The following ADAMTS6 variants were observed in gnomAD, a reference collection of about 807,000 sequenced individuals.
The protein encoded by ADAMTS6 is ADAM metallopeptidase with thrombospondin type 1 motif 6.
A neutral mutation model predicts 144.3 loss-of-function variants in ADAMTS6; 23 were observed. The observed-to-expected ratio is 0.16, with a 90% CI of 0.11 to 0.23. The LOEUF (loss-of-function observed/expected upper bound fraction) is 0.23. ADAMTS6 is among the 10% of genes least tolerant of loss of function. The pLI is 1.00. For missense variants in ADAMTS6, 999 were observed against 1,379.6 expected, an observed-to-expected ratio of 0.72 and a Z score of 4.37; for synonymous variants, 444 against 457.5, an observed-to-expected ratio of 0.97 and a Z score of 0.38.
chr5:65,397,439 G>A (rs1753440451), intron 7 of ADAMTS6, among the ~76,000 whole-genome samples: 1 of 151,834 alleles, frequency 6.6e-6, no homozygotes, highest in Non-Finnish European at 1.5e-5. Flanking sequence ...TCTAATATAT[G>A]CAACCAATGT....
chr5:65,302,103 AAAAAATATATAT>A (rs1409818767), intron 9 of ADAMTS6, among the ~76,000 whole-genome samples: 1 of 118,622 alleles, frequency 8.4e-6, no homozygotes, highest in Non-Finnish European at 1.6e-5. Context: ...AAAAAAAAAA[AAAAAATATATAT>A]ATATATATAT....
At chr5:65,172,706 C>A in intron 23 of ADAMTS6, 126 bp downstream of exon 23, 1 of 1,134,840 alleles carries the variant, frequency 8.8e-7, no homozygotes, top group East Asian at 2.5e-5. Flanking sequence ...ACTCATGCCT[C>A]ATACTTAGAC....
chr5:65,343,924 T>G, intron 7 of ADAMTS6, among the ~76,000 whole-genome samples: 1 of 152,010 alleles, frequency 6.6e-6, no homozygotes, highest in East Asian at 1.9e-4. Context: ...AAAAAGACAT[T>G]CGAATGGCCA....
intron 7 of ADAMTS6, among the ~76,000 whole-genome samples, chr5:65,442,095 GA>G (rs571460284): frequency 4.6e-4 from 48 of 105,078 alleles, no homozygotes; most frequent in South Asian, 1.0e-3. Context: ...ACAGAAAAAT[GA>G]AAAAAAAAAA....
chr5:65,478,167 A>G (rs1760968024), intron 1 of ADAMTS6, among the ~76,000 whole-genome samples: 1 of 152,062 alleles, frequency 6.6e-6, no homozygotes, highest in Admixed American at 6.5e-5. Context: ...TTTAACTAAA[A>G]TCAACACAAC....
intron 24 of ADAMTS6, among the ~76,000 whole-genome samples, chr5:65,163,919 T>C (rs1338351113): frequency 6.6e-6 from 1 of 152,218 alleles, no homozygotes; most frequent in Non-Finnish European, 1.5e-5. Flanking sequence ...GAAATTACTT[T>C]CATTTAAATA....
chr5:65,299,574 T>TTTG (rs375663991), intron 10 of ADAMTS6, among the ~76,000 whole-genome samples: 3 of 152,146 alleles, frequency 2.0e-5, no homozygotes, highest in Non-Finnish European at 4.4e-5. Context: ...TTGGTTTTTT[T>TTTG]TTGTTGTTGT....
At chr5:65,432,420 G>T (rs1757065855) in intron 7 of ADAMTS6, among the ~76,000 whole-genome samples, 1 of 152,002 alleles carries the variant, frequency 6.6e-6, no homozygotes, top group South Asian at 2.1e-4. Flanking sequence ...AAAGTGAAAT[G>T]TTAATTCAAA....
chr5:65,158,103 T>C (rs1000264980), intron 24 of ADAMTS6, among the ~76,000 whole-genome samples: 1 of 152,186 alleles, frequency 6.6e-6, no homozygotes, highest in Non-Finnish European at 1.5e-5. Context: ...GCCAGGAATG[T>C]GAACCTGCAT....
intron 7 of ADAMTS6, among the ~76,000 whole-genome samples, chr5:65,418,110 G>A (rs1755693497): frequency 6.6e-6 from 1 of 152,076 alleles, no homozygotes; most frequent in Admixed American, 6.6e-5. Flanking sequence ...ATGAAAATAA[G>A]CAATGGGAAA....
intron 9 of ADAMTS6, among the ~76,000 whole-genome samples, chr5:65,303,994 T>A (rs186352715): frequency 6.6e-6 from 1 of 152,220 alleles, no homozygotes; most frequent in African/African-American, 2.4e-5. Flanking sequence ...AAAAATCAGA[T>A]GTATGTAAGC....
chr5:65,318,700 T>G lies in ADAMTS6; in HGVS notation c.1223+10678A>C, dbSNP rs781530297. On this transcript the variant is annotated intron_variant, in intron 9 of 24. Transcript: ENST00000381055. Reference sequence around the variant, plus strand: ...ATCAAAACAATTGAACTTATGGACATAGAGAGTAGAAGGATGGTTGCCAGA... The same window carrying G: ...ATCAAAACAATTGAACTTATGGACAGAGAGAGTAGAAGGATGGTTGCCAGA... 4.6e-5 allele frequency among the ~76,000 whole-genome samples: 7 copies of G among 151,422 alleles called. No individual in the cohort carries two copies. The Middle Eastern group carries it at 0.01, about 221-fold the overall frequency.
At chr5:65,419,099 C>T (rs942924494) in intron 7 of ADAMTS6, among the ~76,000 whole-genome samples, 10 of 152,156 alleles carry the variant, frequency 6.6e-5, no homozygotes, top group Admixed American at 5.9e-4. Context: ...CACGTAATCT[C>T]CTGTTCATCA....
At chr5:65,452,289 G>T (rs1034665240) in intron 5 of ADAMTS6, 73 bp from the exon 6 acceptor site, 5 of 1,305,698 alleles carry the variant, frequency 3.8e-6, no homozygotes, top group South Asian at 1.2e-5. Context: ...TTTTTTAAGT[G>T]CTAAAACAAT....
At position 65,170,050 on chromosome 5, in the gene ADAMTS6, A is replaced by G. The variant is rs184128041; in HGVS notation, c.3244+567T>C. On this transcript the variant is annotated intron_variant, in intron 24 of 24. Coordinates refer to ENST00000381055, the MANE Select transcript of ADAMTS6 (RefSeq NM_197941.4). The stretch of plus-strand genomic sequence containing the variant: ...TTAAAGTATAATTAAAAACAAAAAC[A>G]AAAACAAAAACAAAACAGAAAGAGA... Among the ~76,000 whole-genome samples, 4 of 152,334 alleles carry G rather than the reference A, an allele frequency of 2.6e-5. No homozygotes were observed. In the East Asian group the frequency reaches 7.7e-4, roughly 29 times the overall value.
intron 4 of ADAMTS6, among the ~76,000 whole-genome samples, chr5:65,456,559 C>T (rs1759222119): frequency 6.6e-6 from 1 of 152,126 alleles, no homozygotes; most frequent in African/African-American, 2.4e-5. Flanking sequence ...ATTTAGTTAA[C>T]TGTCTTTCCT....
intron 20 of ADAMTS6, among the ~76,000 whole-genome samples, chr5:65,207,972 A>C (rs1756233213): frequency 6.6e-6 from 1 of 152,250 alleles, no homozygotes; most frequent in Non-Finnish European, 1.5e-5. Flanking sequence ...CACCAAGTGA[A>C]GGAAAACTGT....
intron 15 of ADAMTS6, among the ~76,000 whole-genome samples, chr5:65,227,617 AG>A (rs1757824767): frequency 6.8e-6 from 1 of 147,272 alleles, no homozygotes; most frequent in African/African-American, 2.5e-5. Context: ...ATGTTTCTGC[AG>A]GTTGACGGTA....
intron 22 of ADAMTS6, among the ~76,000 whole-genome samples, chr5:65,181,648 T>G (rs1754360906): frequency 1.3e-5 from 2 of 152,202 alleles, no homozygotes; most frequent in African/African-American, 2.4e-5. Context: ...CTGTTATTAT[T>G]GTATTCACAG....
Sources: gnomAD v4.1 joint callset for allele counts (sites outside exome capture counted in the v4.1 genomes callset) on GRCh38, gnomAD v4.1.1 for gene constraint, MANE v1.5 for transcripts, NCBI Gene and HGNC (gene_info 2026-07-23, HGNC 2026-07-21) for gene names.